SCN11A: variants seen among roughly 807,000 people sequenced by gnomAD.
SCN11A encodes the protein sodium channel protein type 11 subunit alpha.
Under a neutral mutation model 162.2 loss-of-function variants are expected in SCN11A, and 122 were observed. The ratio of observed to expected loss-of-function variants is 0.75; its 90% CI spans 0.65 to 0.87. SCN11A has a LOEUF of 0.87. SCN11A is among the 40% of genes least tolerant of loss of function. The probability of loss-of-function intolerance (pLI) is 0.00; values close to 1 mark genes in which losing one functional copy is unlikely to be tolerated. For synonymous variants in SCN11A, 758 were observed against 751.5 expected, an observed-to-expected ratio of 1.01 and a Z score of -0.14; for missense variants, 2,015 against 2,181.6, an observed-to-expected ratio of 0.92 and a Z score of 1.52.
rs188672648 is a variant in SCN11A, at chr3:39,016,840, C to T, written c.-280+15540G>A. Among the ~76,000 whole-genome samples, 9 of 152,262 alleles carry T rather than the reference C, an allele frequency of 5.9e-5. No homozygotes were observed. The East Asian group carries it at 1.7e-3, about 29-fold the overall frequency. ...CTGGTCTCAAACTCCTGACCTCAGG[C>T]GATCCACCCATTTCAGCCTTTCACA... On this transcript the variant is annotated intron_variant, in intron 2 of 29. Transcript: ENST00000302328.
chr3:38,995,673 T>A (rs1402369792), intron 2 of SCN11A, among the ~76,000 whole-genome samples: 3 of 152,184 alleles, frequency 2.0e-5, no homozygotes, highest in Admixed American at 6.5e-5. Context: ...GCTCCCCTGG[T>A]ACTCAGGCCT....
intron 7 of SCN11A, among the ~76,000 whole-genome samples, chr3:38,936,474 T>A (rs1195545137): frequency 6.6e-6 from 1 of 151,282 alleles, no homozygotes; most frequent in African/African-American, 2.4e-5. Context: ...GAAAACCCCA[T>A]TGTCTCAGCC....
At chr3:38,923,805 G>A (rs775353300) in intron 9 of SCN11A, among the ~76,000 whole-genome samples, 3 of 152,110 alleles carry the variant, frequency 2.0e-5, no homozygotes, top group Non-Finnish European at 2.9e-5. Flanking sequence ...AGTCGGGGGA[G>A]CAGGAGTGGG....
rs1357498507 is a variant in SCN11A, at chr3:38,919,919, A to G, written c.959+16T>C. On this transcript the variant is annotated intron_variant, in intron 11 of 29. Coordinates refer to ENST00000302328, the MANE Select transcript of SCN11A (RefSeq NM_001349253.2). ...AGGTACTCTTCTTGGGAGGAAAATG[A>G]TTATAAACCTCTTACCTGTTACCCA... is the stretch of plus-strand genomic sequence containing the variant. 1.2e-6 allele frequency: 2 copies of G among 1,600,386 alleles called. No individual in the cohort carries two copies. The highest frequency in any genetic ancestry group is 1.7e-6 in the Non-Finnish European group (2 of 1,168,026).
At chr3:38,951,497 C>T (rs1366822351) in intron 4 of SCN11A, among the ~76,000 whole-genome samples, 1 of 152,264 alleles carries the variant, frequency 6.6e-6, no homozygotes, top group Non-Finnish European at 1.5e-5. Context: ...TGCTCCACGG[C>T]GCCCAGTCCC....
intron 7 of SCN11A, among the ~76,000 whole-genome samples, chr3:38,929,424 T>C (rs1448470061): frequency 3.9e-5 from 6 of 152,182 alleles, no homozygotes; most frequent in East Asian, 3.8e-4. Context: ...TGGTATTTCA[T>C]GGATATAGAC....
intron 7 of SCN11A, among the ~76,000 whole-genome samples, chr3:38,933,849 AT>A (rs1265790897): frequency 6.6e-6 from 1 of 152,224 alleles, no homozygotes; most frequent in Non-Finnish European, 1.5e-5. Flanking sequence ...GCAGGCCAAC[AT>A]TCAGATTCAG....
chr3:38,938,523 TATATATATATATATATATATATA>T (rs2066377004), intron 7 of SCN11A, among the ~76,000 whole-genome samples: 1 of 15,388 alleles, frequency 6.5e-5, no homozygotes, highest in Admixed American at 5.6e-4. Context: ...TATATATATA[TATATATATATATATATATATATA>T]TATATTTTTT....
intron 2 of SCN11A, among the ~76,000 whole-genome samples, chr3:39,018,472 T>C (rs2031355451): frequency 6.6e-6 from 1 of 152,170 alleles, no homozygotes; most frequent in Non-Finnish European, 1.5e-5. Flanking sequence ...ACCTCCTTTG[T>C]TTCCTGTTAA....
At chr3:38,922,855 T>C (rs1019751553) in intron 9 of SCN11A, among the ~76,000 whole-genome samples, 1 of 152,084 alleles carries the variant, frequency 6.6e-6, no homozygotes, top group Non-Finnish European at 1.5e-5. Context: ...TTTATGTCTA[T>C]ATCATCAGCA....
intron 15 of SCN11A, 66 bp from the exon 16 acceptor site, chr3:38,904,169 G>C (rs2065753264): frequency 3.0e-6 from 3 of 1,007,712 alleles, no homozygotes; most frequent in Non-Finnish European, 4.3e-6. Flanking sequence ...CTTTGCCTGA[G>C]TGCATTCCTT....
At chr3:38,996,701 C>T (rs2030641939) in intron 2 of SCN11A, among the ~76,000 whole-genome samples, 1 of 152,182 alleles carries the variant, frequency 6.6e-6, no homozygotes, top group Admixed American at 6.5e-5. Flanking sequence ...TCACTGTCTT[C>T]CCTCCTGCGG....
At chr3:38,953,070 G>GT (rs907863662) in intron 4 of SCN11A, among the ~76,000 whole-genome samples, 8 of 151,348 alleles carry the variant, frequency 5.3e-5, no homozygotes, top group East Asian at 2.0e-4. Context: ...TGTTGTTGTT[G>GT]TTTTTTTAAA....
intron 7 of SCN11A, among the ~76,000 whole-genome samples, chr3:38,943,622 T>C (rs1192253579): frequency 1.3e-5 from 2 of 152,192 alleles, no homozygotes; most frequent in Admixed American, 6.5e-5. Flanking sequence ...ATTTTGGTTA[T>C]ACAGAGAACT....
intron 2 of SCN11A, among the ~76,000 whole-genome samples, chr3:38,963,352 G>GATAT (rs377651422): frequency 0.079 from 2,972 of 37,856 alleles, 373 homozygotes; most frequent in Non-Finnish European, 0.13. Context: ...CTATTTGATG[G>GATAT]ATATATATAT....
Position 38,921,246 on chromosome 3 carries a change from A to T in SCN11A, c.722T>A (p.Val241Asp), listed in dbSNP as rs1282362874. Reference sequence around the variant, plus strand: ...AGAGCGTAGCAAGGCCCCCACGATGACCTTCAGACCTGAGAAAGAGGACAG... The same window carrying T: ...AGAGCGTAGCAAGGCCCCCACGATGTCCTTCAGACCTGAGAAAGAGGACAG... ...KAISVVSRLK[V>D]IVGALLRSVK... Residue 241 changes from valine to aspartate, a missense_variant, in exon 10 of 30, where the codon GTC (valine) becomes GAC (aspartate). Coordinates refer to ENST00000302328, the MANE Select transcript of SCN11A (RefSeq NM_001349253.2). 1.2e-6 allele frequency: 2 copies of T among 1,613,736 alleles called. No homozygotes were observed. Among genetic ancestry groups the T allele is most frequent in the Admixed American group, 1.7e-5 (1 of 60,000 alleles).
intron 26 of SCN11A, among the ~76,000 whole-genome samples, chr3:38,870,122 G>C (rs1210554247): frequency 6.6e-6 from 1 of 152,142 alleles, no homozygotes; most frequent in Non-Finnish European, 1.5e-5. Flanking sequence ...AACTTTCCAA[G>C]CTGGAAAATA....
intron 1 of SCN11A, among the ~76,000 whole-genome samples, chr3:39,050,220 T>A (rs1312951526): frequency 6.6e-6 from 1 of 152,218 alleles, no homozygotes; most frequent in Admixed American, 6.5e-5. Context: ...TAATGTTCCA[T>A]GCTCTCTCCT....
At chr3:38,991,144 A>G (rs1273033681) in intron 2 of SCN11A, among the ~76,000 whole-genome samples, 1 of 152,186 alleles carries the variant, frequency 6.6e-6, no homozygotes, top group East Asian at 1.9e-4. Flanking sequence ...TACTTTCTAA[A>G]AGTTAGAAAG....
Sources: allele counts gnomAD v4.1 joint callset (sites outside exome capture counted in the v4.1 genomes callset), GRCh38; gene constraint gnomAD v4.1.1; transcripts MANE v1.5; gene names NCBI Gene and HGNC (gene_info 2026-07-23, HGNC 2026-07-21).